The following ERI2 variants were observed in gnomAD, a reference collection of about 807,000 sequenced individuals.
ERI2 encodes ERI1 exoribonuclease family member 2.
Under a neutral mutation model 46.8 loss-of-function variants are expected in ERI2, and 35 were observed. The observed-to-expected ratio is 0.75, with a 90% CI of 0.57 to 0.99. The LOEUF (loss-of-function observed/expected upper bound fraction) is 0.99, where lower values mean the gene tolerates loss of function less well. Ranked by LOEUF, ERI2 falls within the 50% of genes least tolerant of loss-of-function variation. ERI2 has a pLI of 0.00. For missense variants in ERI2, 695 were observed against 796.2 expected (o/e 0.87, Z 1.53); for synonymous variants, 224 against 271.0 (o/e 0.83, Z 1.70).
exon 11 of ERI2, chr16:20,780,718 G>T (rs765286234): frequency 1.9e-6 from 3 of 1,614,038 alleles, no homozygotes; most frequent in Non-Finnish European, 2.5e-6. Flanking sequence ...TTGCAGACAT[G>T]CCAGTGACAG....
intron 4 of ERI2, among the ~76,000 whole-genome samples, chr16:20,801,698 A>C (rs2080797555): frequency 6.6e-6 from 1 of 152,180 alleles, no homozygotes; most frequent in East Asian, 1.9e-4. Context: ...TTTCCATAAA[A>C]TCAATTTGAT....
chr16:20,789,591 T>G, intron 9 of ERI2: 1 of 1,463,104 alleles, frequency 6.8e-7, no homozygotes, highest in Non-Finnish European at 9.6e-7. Flanking sequence ...AATGAAGATA[T>G]TTATTTATCA....
intron 4 of ERI2, among the ~76,000 whole-genome samples, chr16:20,801,946 A>T (rs144138921): frequency 0.016 from 2,459 of 151,774 alleles, 41 homozygotes; most frequent in Non-Finnish European, 0.025. Context: ...TTTAGTAGAG[A>T]CGGGGTTTTG....
intron 7 of ERI2, 46 bp downstream of exon 7, chr16:20,799,910 AT>A: frequency 8.6e-7 from 1 of 1,162,656 alleles, no homozygotes; most frequent in South Asian, 1.3e-5. Flanking sequence ...CATATGAAGT[AT>A]TTTTTAAAAG....
intron 10 of ERI2, chr16:20,780,801 G>A (rs759644780): frequency 2.2e-5 from 36 of 1,614,082 alleles, no homozygotes; most frequent in Middle Eastern, 1.6e-4. Flanking sequence ...GTGGATATCC[G>A]AAAATGACTG....
Position 20,790,881 on chromosome 16 carries a change from C to T in ERI2, c.784G>A (p.Asp262Asn). The change falls in exon 9 of 11, where the codon GAC becomes AAC. Residue 262 changes from aspartate to asparagine, a missense_variant. Physicochemically the swap from Asp to Asn is conservative, Grantham distance 23 (BLOSUM62 1). Transcript: ENST00000300005. The surrounding 1 kb of genome is among the most constrained non-coding windows in gnomAD (Gnocchi z 4.0). Reference sequence around the variant, plus strand: ...TCTTGCTGAAGAAAAGCATGCTGGTCCCCTGAGGCCAGATCACTGTTCCAG... The same window carrying T: ...TCTTGCTGAAGAAAAGCATGCTGGTTCCCTGAGGCCAGATCACTGTTCCAG... 2 of 1,614,004 alleles carry T rather than the reference C, an allele frequency of 1.2e-6. No individual in the cohort carries two copies. The highest frequency in any genetic ancestry group is 1.7e-6 in the Non-Finnish European group (2 of 1,179,948).
chr16:20,782,900 T>G (rs189351352), intron 10 of ERI2, among the ~76,000 whole-genome samples: 3 of 152,352 alleles, frequency 2.0e-5, no homozygotes, highest in Admixed American at 1.3e-4. Flanking sequence ...AGGTCCCAAG[T>G]GCAGCAGCTT....
At chr16:20,796,078 T>C, downstream of ERI2, 1 of 298,212 alleles carries the variant, frequency 3.4e-6, no homozygotes, top group Non-Finnish European at 6.2e-6. Flanking sequence ...TGTGAACTGT[T>C]CCCTTCAACA....
At position 20,797,704 on chromosome 16, in the gene ERI2, G is replaced by A; in HGVS notation, c.*20C>T. 1 of 1,510,884 alleles carries A rather than the reference G, an allele frequency of 6.6e-7. No individual in the cohort carries two copies. The highest frequency in any genetic ancestry group is 8.8e-7 in the Non-Finnish European group (1 of 1,131,404). 93.6% of individuals were successfully genotyped at this position (1,510,884 alleles called of 1,614,324 possible). On this transcript the variant is annotated 3_prime_UTR_variant, in exon 9 of 9. Transcript: ENST00000357967. ...GTTTGGAAATTCAAGGAACAATTAG[G>A]ATTCATACATGAAAGGTTATCAATT...
intron 1 of ERI2, chr16:20,805,869 C>T (rs934999746): frequency 6.6e-5 from 46 of 702,130 alleles, no homozygotes; most frequent in East Asian, 2.3e-4. Context: ...GTAGGGTGGA[C>T]GCGCCACGTT....
chr16:20,793,046 A>G (rs917754073), downstream of ERI2, among the ~76,000 whole-genome samples: 4 of 152,236 alleles, frequency 2.6e-5, no homozygotes, highest in African/African-American at 2.4e-5. Flanking sequence ...ACTGATGTCA[A>G]TACAAATCCA....
chr16:20,787,579 C>G (rs1454617608), intron 10 of ERI2, among the ~76,000 whole-genome samples: 1 of 152,158 alleles, frequency 6.6e-6, no homozygotes, highest in Non-Finnish European at 1.5e-5. Context: ...TTAACAAGCA[C>G]CCCCCAAGTA....
At chr16:20,781,555 C>G (rs2080353211) in intron 10 of ERI2, among the ~76,000 whole-genome samples, 1 of 152,150 alleles carries the variant, frequency 6.6e-6, no homozygotes, top group African/African-American at 2.4e-5. Context: ...TGGAACCAAT[C>G]CTGCAGACAC....
At position 20,797,414 on chromosome 16, in the gene ERI2, C is replaced by G; in HGVS notation, c.*310G>C. 2 of 1,007,552 alleles carry G rather than the reference C, an allele frequency of 2.0e-6. No homozygotes were observed. 62.4% of individuals were successfully genotyped at this position (1,007,552 alleles called of 1,614,324 possible). On this transcript the variant is annotated 3_prime_UTR_variant, in exon 9 of 9. Transcript: ENST00000357967. Reference sequence around the variant, plus strand: ...ATCAGTTAGAAGATTATGATAATCTCAAAGTACAAGAATCTACCTGAAAAT... The same window carrying G: ...ATCAGTTAGAAGATTATGATAATCTGAAAGTACAAGAATCTACCTGAAAAT...
At chr16:20,789,790 C>T (rs985362543) in intron 9 of ERI2, among the ~76,000 whole-genome samples, 3 of 150,466 alleles carry the variant, frequency 2.0e-5, no homozygotes, top group Admixed American at 6.6e-5. Flanking sequence ...TTCTCCTGCT[C>T]AACCTCCCAA....
downstream of ERI2, among the ~76,000 whole-genome samples, chr16:20,794,952 A>G (rs1228690005): frequency 5.3e-5 from 8 of 152,352 alleles, no homozygotes; most frequent in East Asian, 1.3e-3. Context: ...GAAATCGTCA[A>G]TATGTGAACC....
chr16:20,805,495 T>C (rs2080853455), intron 1 of ERI2, among the ~76,000 whole-genome samples: 1 of 152,114 alleles, frequency 6.6e-6, no homozygotes, highest in Non-Finnish European at 1.5e-5. Flanking sequence ...TCCTTCCCCG[T>C]CTAATTAGGA....
chr16:20,799,556 G>A (rs904834179), intron 7 of ERI2: 10 of 567,458 alleles, frequency 1.8e-5, no homozygotes, highest in African/African-American at 3.8e-5. Flanking sequence ...AGACAAGCTC[G>A]TCCACATTTA....
chr16:20,805,315 C>T (rs1353695820), intron 1 of ERI2, among the ~76,000 whole-genome samples: 1 of 151,820 alleles, frequency 6.6e-6, no homozygotes, highest in Non-Finnish European at 1.5e-5. Flanking sequence ...ATCCCAGCTA[C>T]TTGGGAGGCT....
Sources: allele counts gnomAD v4.1 joint callset (sites outside exome capture counted in the v4.1 genomes callset), GRCh38; gene constraint gnomAD v4.1.1; non-coding constraint Gnocchi (gnomAD v3.1); transcripts MANE v1.5; gene names NCBI Gene and HGNC (gene_info 2026-07-23, HGNC 2026-07-21).